Variants in PCP4L1 observed in about 807,000 individuals in gnomAD.
The protein encoded by PCP4L1 is Purkinje cell protein 4 like 1.
A neutral mutation model predicts 9.6 loss-of-function variants in PCP4L1; 9 were observed. That is an observed-to-expected ratio of 0.94 (90% confidence interval 0.57 to 1.64). The LOEUF is 1.64. Among genes scored for constraint, PCP4L1 ranks in the 40% most tolerant of loss-of-function variants. The pLI is 0.00. For synonymous variants in PCP4L1, 31 were observed against 28.2 expected (o/e 1.10, Z -0.31); for missense variants, 81 against 80.8 (o/e 1.00, Z -0.01).
chr1:161,273,491 A>C (rs1669653565), intron 1 of PCP4L1, among the ~76,000 whole-genome samples: 1 of 152,198 alleles, frequency 6.6e-6, no homozygotes, highest in African/African-American at 2.4e-5. Flanking sequence ...AGGCTGAACG[A>C]ACCAAGCTCC....
rs192753644 is a variant in PCP4L1 at position 161,270,498 on chromosome 1, G to A, written c.9+11515G>A. Among the ~76,000 whole-genome samples, 22 of 146,782 alleles carry A rather than the reference G, an allele frequency of 1.5e-4. No homozygotes were observed. The East Asian group carries it at 4.4e-3, about 30-fold the overall frequency. ...TGATACTAGGAAGTGAGGGCTTTGG[G>A]AAGTGATTAGGTCATGAGGGCAGAG... On this transcript the variant is annotated intron_variant, in intron 1 of 2. Transcript: ENST00000504449.
rs372775772 is a variant in PCP4L1 at position 161,282,781 on chromosome 1, TC to T, written c.10-886del. Among the ~76,000 whole-genome samples, 430 of 152,294 alleles carry T rather than the reference TC, an allele frequency of 2.8e-3. 3 individuals are homozygous for T. The highest frequency in any genetic ancestry group is 0.01 in the African/African-American group (420 of 41,558). On this transcript the variant is annotated intron_variant, in intron 1 of 2. Transcript: ENST00000504449. ...CAGATCATCAGGCCAAAATTTGGAATCATCCTTGACCCCTCTCTTTCTCACA... is the reference window on the plus strand; with the variant it reads ...CAGATCATCAGGCCAAAATTTGGAATATCCTTGACCCCTCTCTTTCTCACA...
intron 1 of PCP4L1, among the ~76,000 whole-genome samples, chr1:161,259,211 T>A (rs756187573): frequency 6.6e-6 from 1 of 152,076 alleles, no homozygotes; most frequent in East Asian, 1.9e-4. Context: ...TTGGGGGTAA[T>A]TGGAATCGGC....
intron 1 of PCP4L1, among the ~76,000 whole-genome samples, chr1:161,280,394 T>C (rs986488819): frequency 3.9e-5 from 6 of 152,276 alleles, no homozygotes; most frequent in African/African-American, 1.4e-4. Flanking sequence ...TCTCCTACAG[T>C]TTTTCCTTGT....
chr1:161,270,292 G>A (rs1669601319), intron 1 of PCP4L1, among the ~76,000 whole-genome samples: 1 of 151,938 alleles, frequency 6.6e-6, no homozygotes, highest in African/African-American at 2.4e-5. Flanking sequence ...GAGAGACTCT[G>A]TCTCAAAAAA....
intron 1 of PCP4L1, among the ~76,000 whole-genome samples, chr1:161,267,940 T>C (rs1174891769): frequency 6.6e-6 from 1 of 152,194 alleles, no homozygotes; most frequent in East Asian, 1.9e-4. Flanking sequence ...CTCAAACTCC[T>C]GACCTCAGGT....
At chr1:161,283,528 C>G (rs1432851540) in intron 1 of PCP4L1, 140 bp from the exon 2 acceptor site, 1 of 728,862 alleles carries the variant, frequency 1.4e-6, no homozygotes, top group African/African-American at 1.8e-5. Context: ...GGTCTCTGAT[C>G]TCAAGACTTG....
At chr1:161,278,553 GC>G (rs1669741184) in intron 1 of PCP4L1, among the ~76,000 whole-genome samples, 1 of 151,868 alleles carries the variant, frequency 6.6e-6, no homozygotes, top group East Asian at 1.9e-4. Flanking sequence ...ATAGGCATGA[GC>G]CACCACGCCC....
At position 161,258,965 on chromosome 1, in the gene PCP4L1, G is replaced by C. The variant is rs1481170865; in HGVS notation, c.-10G>C. On this transcript the variant is annotated 5_prime_UTR_variant, in exon 1 of 3. Coordinates refer to ENST00000504449, the MANE Select transcript of PCP4L1 (RefSeq NM_001102566.2). ...GTGCAGCGCCTCGCGCGCCCTGTCCGGCTGCGGAGATGAGCGAGGTGAGCG... is the reference window on the plus strand; with the variant it reads ...GTGCAGCGCCTCGCGCGCCCTGTCCCGCTGCGGAGATGAGCGAGGTGAGCG... The C allele has an allele frequency of 3.9e-6, 6 of 1,534,384 alleles. No homozygotes were observed. Among genetic ancestry groups the C allele is most frequent in the South Asian group, 3.6e-5 (3 of 83,948 alleles).
intron 1 of PCP4L1, among the ~76,000 whole-genome samples, chr1:161,282,094 A>G (rs1669828858): frequency 1.3e-5 from 2 of 152,148 alleles, no homozygotes; most frequent in African/African-American, 4.8e-5. Flanking sequence ...CAGCCGGGGC[A>G]CCATTGAGCA....
chr1:161,260,509 G>C (rs1201248391), intron 1 of PCP4L1, among the ~76,000 whole-genome samples: 1 of 152,194 alleles, frequency 6.6e-6, no homozygotes. Context: ...TCTGAAAGTT[G>C]TAATCCAAGC....
chr1:161,270,627 A>T (rs1433049637), intron 1 of PCP4L1, among the ~76,000 whole-genome samples: 1 of 151,218 alleles, frequency 6.6e-6, no homozygotes, highest in Non-Finnish European at 1.5e-5. Context: ...TAATCCCAGT[A>T]CTTTGGGAGG....
In PCP4L1 at chr1:161,283,739, T is replaced by A. The variant is rs777658485; in HGVS notation, c.64+17T>A. ...AGGAAAAAGGTGAGTGGGGTTGGGCTAGGCAGTTTGTAGAGCAGGTGACTG... is the reference window on the plus strand; with the variant it reads ...AGGAAAAAGGTGAGTGGGGTTGGGCAAGGCAGTTTGTAGAGCAGGTGACTG... On this transcript the variant is annotated intron_variant, in intron 2 of 2. Coordinates refer to ENST00000504449, the MANE Select transcript of PCP4L1 (RefSeq NM_001102566.2). 1.2e-6 allele frequency: 2 copies of A among 1,600,252 alleles called. No individual in the cohort carries two copies. The highest frequency in any genetic ancestry group is 1.3e-5 in the African/African-American group (1 of 74,664).
intron 1 of PCP4L1, among the ~76,000 whole-genome samples, chr1:161,280,755 A>G (rs1311998136): frequency 6.6e-6 from 1 of 152,208 alleles, no homozygotes; most frequent in East Asian, 1.9e-4. Context: ...TGGCTTCCAC[A>G]TTACTGTAAT....
chr1:161,258,790 C>T lies in PCP4L1; in HGVS notation c.-185C>T, dbSNP rs915662442. Reference sequence around the variant, plus strand: ...GTCGCAGGGGGTCGCCTGGCCGGAGCTGGGCTCCGAGAATCCCGGGTGCCA... The same window carrying T: ...GTCGCAGGGGGTCGCCTGGCCGGAGTTGGGCTCCGAGAATCCCGGGTGCCA... On this transcript the variant is annotated 5_prime_UTR_variant, in exon 1 of 3. Transcript: ENST00000504449. 10 of 954,488 alleles carry T rather than the reference C, an allele frequency of 1.0e-5. No homozygotes were observed. The African/African-American group carries it at 1.7e-4, about 16-fold the overall frequency. 59.1% of individuals were successfully genotyped at this position (954,488 alleles called of 1,614,324 possible).
chr1:161,261,430 A>T (rs937929796), intron 1 of PCP4L1, among the ~76,000 whole-genome samples: 1 of 152,176 alleles, frequency 6.6e-6, no homozygotes, highest in Non-Finnish European at 1.5e-5. Flanking sequence ...GCGTTCGTGC[A>T]CGAAGGAGCT....
intron 1 of PCP4L1, among the ~76,000 whole-genome samples, chr1:161,273,761 G>A (rs1022333552): frequency 9.9e-5 from 15 of 152,208 alleles, no homozygotes; most frequent in Admixed American, 3.9e-4. Flanking sequence ...AGTGATAGGC[G>A]TGGTCTGGGA....
intron 1 of PCP4L1, among the ~76,000 whole-genome samples, chr1:161,275,515 C>CAA (rs11302998): frequency 3.3e-5 from 3 of 91,888 alleles, no homozygotes; most frequent in Non-Finnish European, 4.4e-5. Flanking sequence ...GACTCCGTCT[C>CAA]AAAAAAAAAA....
chr1:161,276,506 G>A (rs1669699509), intron 1 of PCP4L1, among the ~76,000 whole-genome samples: 1 of 152,000 alleles, frequency 6.6e-6, no homozygotes, highest in Admixed American at 6.6e-5. Context: ...AGCATAGCAA[G>A]ACCCAGTCTC....
Sources: gnomAD v4.1 joint callset for allele counts (sites outside exome capture counted in the v4.1 genomes callset) on GRCh38, gnomAD v4.1.1 for gene constraint, MANE v1.5 for transcripts, NCBI Gene and HGNC (gene_info 2026-07-23, HGNC 2026-07-21) for gene names.